The following COL22A1 variants were observed in gnomAD, a reference collection of about 807,000 sequenced individuals.
COL22A1 encodes the protein collagen alpha-1(XXII) chain.
COL22A1 carries 221 observed loss-of-function variants against 248.9 expected under a neutral mutation model. The ratio of observed to expected loss-of-function variants is 0.89; its 90% CI spans 0.80 to 0.99. COL22A1 has a LOEUF of 0.99. Among genes scored for constraint, COL22A1 ranks in the 50% least tolerant of loss-of-function variants. The pLI, the probability that COL22A1 is intolerant of heterozygous loss-of-function variation, is 0.00. For missense variants in COL22A1, 2,240 were observed against 2,179.0 expected (o/e 1.03, Z -0.56); for synonymous variants, 891 against 793.4 (o/e 1.12, Z -2.07).
chr8:138,602,252 G>A (rs1818083930), intron 59 of COL22A1, 93 bp from the exon 60 acceptor site: 3 of 1,414,730 alleles, frequency 2.1e-6, no homozygotes, highest in African/African-American at 2.8e-5. Context: ...TGCATGCTGA[G>A]GACAAGGGAC....
chr8:138,652,735 G>GTTTTT lies in COL22A1; in HGVS notation c.3334-2962_3334-2958dup, dbSNP rs71316352. On this transcript the variant is annotated intron_variant, in intron 45 of 64. Coordinates refer to ENST00000303045, the MANE Select transcript of COL22A1 (RefSeq NM_152888.3). ...TAAAATATTTTCTTTTCCTTTTCTG[G>GTTTTT]TTTTTTTTTTTTTTTTTTTTTTTTT... Among the ~76,000 whole-genome samples the GTTTTT allele has an allele frequency of 3.7e-4, 20 of 54,280 alleles. 5 individuals are homozygous for GTTTTT. The highest frequency in any genetic ancestry group is 1.1e-3 in the African/African-American group (18 of 16,906). The allele number at this position is 54,280 out of a possible 152,430, so 35.6% of individuals were successfully genotyped here. A position where few individuals can be genotyped will look rare whatever the true frequency, so the allele number is the denominator to read the frequency against.
intron 14 of COL22A1, 24 bp downstream of exon 14, chr8:138,779,485 G>A (rs879215761): frequency 6.3e-7 from 1 of 1,590,218 alleles, no homozygotes; most frequent in Admixed American, 1.7e-5. Flanking sequence ...GCATCAGAAG[G>A]GCCCAGCTCA....
intron 11 of COL22A1, among the ~76,000 whole-genome samples, chr8:138,802,471 GAAC>G (rs1817080463): frequency 6.6e-6 from 1 of 151,820 alleles, no homozygotes; most frequent in South Asian, 2.1e-4. Flanking sequence ...GGAATGATGA[GAAC>G]TCATGAGCCA....
chr8:138,751,127 T>C (rs1832563575), intron 22 of COL22A1, among the ~76,000 whole-genome samples: 1 of 152,192 alleles, frequency 6.6e-6, no homozygotes, highest in African/African-American at 2.4e-5. Context: ...CATGGATATA[T>C]TAGATGCACT....
intron 16 of COL22A1, 95 bp from the exon 17 acceptor site, chr8:138,762,561 G>C (rs533408669): frequency 1.6e-6 from 2 of 1,228,578 alleles, no homozygotes; most frequent in Non-Finnish European, 2.4e-6. Context: ...GGACAAGGAG[G>C]GTGGGGAAAA....
chr8:138,846,347 G>A (rs980639987), intron 3 of COL22A1, among the ~76,000 whole-genome samples: 2 of 152,232 alleles, frequency 1.3e-5, no homozygotes, highest in African/African-American at 4.8e-5. Flanking sequence ...GGAGGCTGGC[G>A]GCTGGACCTC....
chr8:138,826,805 C>T, intron 5 of COL22A1, 24 bp from the exon 6 acceptor site: 1 of 1,613,180 alleles, frequency 6.2e-7, no homozygotes, highest in Non-Finnish European at 8.5e-7. Flanking sequence ...GAGACAAAGA[C>T]ACCAGGCTTG....
At chr8:138,712,554 A>G (rs1829059002) in intron 30 of COL22A1, among the ~76,000 whole-genome samples, 1 of 152,194 alleles carries the variant, frequency 6.6e-6, no homozygotes, top group African/African-American at 2.4e-5. Context: ...AGCAAAGAGT[A>G]CGTGTTCTAT....
intron 16 of COL22A1, among the ~76,000 whole-genome samples, chr8:138,765,583 T>C (rs1586687138): frequency 6.6e-6 from 1 of 152,194 alleles, no homozygotes; most frequent in Non-Finnish European, 1.5e-5. Context: ...CACAATTCCA[T>C]GTATAATGGA....
In COL22A1 at chr8:138,694,881, T is replaced by G; in HGVS notation, c.2593-2A>C. The G allele has an allele frequency of 1.2e-6, 2 of 1,613,944 alleles. No homozygotes were observed. The highest frequency in any genetic ancestry group is 1.7e-6 in the Non-Finnish European group (2 of 1,179,892). Reference sequence around the variant, plus strand: ...CTCTCCTTTGGGCCCTTGTTCTCCCTGTTGGTGAGAAGCATAGGGTAGAGT... The same window carrying G: ...CTCTCCTTTGGGCCCTTGTTCTCCCGGTTGGTGAGAAGCATAGGGTAGAGT... On this transcript the variant is annotated splice_acceptor_variant, in intron 32 of 64. Transcript: ENST00000303045. LOFTEE classifies it high-confidence loss of function.
chr8:138,887,451 C>T (rs895527163), intron 1 of COL22A1, among the ~76,000 whole-genome samples: 26 of 152,158 alleles, frequency 1.7e-4, no homozygotes, highest in African/African-American at 6.3e-4. Context: ...AAGTCCTGAC[C>T]TCGTGATCCA....
chr8:138,755,681 C>T (rs1832939399), intron 19 of COL22A1, 104 bp downstream of exon 19: 1 of 1,401,990 alleles, frequency 7.1e-7, no homozygotes, highest in Admixed American at 1.7e-5. Context: ...CTATCCAACC[C>T]ATGTCCTTGG....
intron 41 of COL22A1, among the ~76,000 whole-genome samples, chr8:138,669,372 C>T (rs1824812968): frequency 6.6e-6 from 1 of 152,178 alleles, no homozygotes; most frequent in Non-Finnish European, 1.5e-5. Context: ...GGAGGCCGGT[C>T]AGGGCAGTGT....
At chr8:138,592,616 A>C (rs994060813) in intron 63 of COL22A1, among the ~76,000 whole-genome samples, 7 of 152,212 alleles carry the variant, frequency 4.6e-5, no homozygotes, top group Admixed American at 3.3e-4. Context: ...AATTAGTAAG[A>C]AAATGGGAGA....
intron 44 of COL22A1, among the ~76,000 whole-genome samples, chr8:138,658,481 A>G (rs188452318): frequency 6.6e-6 from 1 of 152,024 alleles, no homozygotes; most frequent in East Asian, 1.9e-4. Context: ...CCCAACATAA[A>G]CCCTAGACAC....
intron 51 of COL22A1, among the ~76,000 whole-genome samples, chr8:138,625,922 G>T (rs945127845): frequency 2.4e-4 from 36 of 152,270 alleles, no homozygotes; most frequent in African/African-American, 8.4e-4. Context: ...ACATATATAT[G>T]TAGAGAGAGA....
At chr8:138,601,258 A>T (rs1014556137) in intron 60 of COL22A1, among the ~76,000 whole-genome samples, 2 of 152,074 alleles carry the variant, frequency 1.3e-5, no homozygotes, top group Non-Finnish European at 2.9e-5. Flanking sequence ...GGGATAGAGG[A>T]ATCAAAGTCA....
intron 41 of COL22A1, among the ~76,000 whole-genome samples, chr8:138,671,000 G>A (rs1288466134): frequency 7.0e-6 from 1 of 142,970 alleles, no homozygotes; most frequent in African/African-American, 2.5e-5. Context: ...ACTGGTGAGT[G>A]TGAAGGCTAA....
intron 1 of COL22A1, among the ~76,000 whole-genome samples, chr8:138,891,382 C>T (rs1231708753): frequency 6.6e-6 from 1 of 152,168 alleles, no homozygotes; most frequent in African/African-American, 2.4e-5. Flanking sequence ...TAAGCACACA[C>T]CCTAGTAATG....
Sources: allele counts gnomAD v4.1 joint callset (sites outside exome capture counted in the v4.1 genomes callset), GRCh38; gene constraint gnomAD v4.1.1; transcripts MANE v1.5; gene names NCBI Gene and HGNC (gene_info 2026-07-23, HGNC 2026-07-21).